The following C9orf85 variants were observed in gnomAD, a reference collection of about 807,000 sequenced individuals.
C9orf85 encodes uncharacterized protein C9orf85.
C9orf85 carries 16 observed loss-of-function variants against 14.9 expected under a neutral mutation model. That is an observed-to-expected ratio of 1.08 (90% confidence interval 0.73 to 1.63). C9orf85 has a LOEUF of 1.63. Among genes scored for constraint, C9orf85 ranks in the 40% most tolerant of loss-of-function variants. The pLI is 0.00. For synonymous variants in C9orf85, 45 were observed against 56.8 expected, an observed-to-expected ratio of 0.79 and a Z score of 0.93; for missense variants, 172 against 186.1, an observed-to-expected ratio of 0.92 and a Z score of 0.44.
intron 1 of C9orf85, among the ~76,000 whole-genome samples, chr9:71,936,481 A>C (rs1343044847): frequency 6.6e-6 from 1 of 150,934 alleles, no homozygotes. Context: ...GGAAAGACAT[A>C]TTATTTCTAG....
At chr9:71,921,922 TTTTTTTTTATTATTA>T (rs910565251) in intron 1 of C9orf85, among the ~76,000 whole-genome samples, 16 of 1,722 alleles carry the variant, frequency 9.3e-3, no homozygotes, top group Admixed American at 0.048. Context: ...GGCTTTTTAT[TTTTTTTTTATTATTA>T]TTATTATTAT....
At chr9:71,942,933 A>G (rs1215960706) in intron 1 of C9orf85, among the ~76,000 whole-genome samples, 1 of 151,934 alleles carries the variant, frequency 6.6e-6, no homozygotes, top group Non-Finnish European at 1.5e-5. Context: ...GCAGCAGCCT[A>G]AAAGTCAGAT....
chr9:71,920,581 T>G (rs574126455), intron 1 of C9orf85, among the ~76,000 whole-genome samples: 2 of 152,260 alleles, frequency 1.3e-5, no homozygotes, highest in Admixed American at 1.3e-4. Flanking sequence ...CATTTGTTAT[T>G]TTAAGCCTCA....
downstream of C9orf85, chr9:71,983,287 C>T (rs1031276309): frequency 1.3e-5 from 2 of 152,288 alleles, no homozygotes; most frequent in Admixed American, 6.5e-5. Context: ...AGCCACTGCA[C>T]CCAGCCGACT....
At chr9:71,927,852 G>A (rs1372443370) in intron 1 of C9orf85, among the ~76,000 whole-genome samples, 1 of 152,112 alleles carries the variant, frequency 6.6e-6, no homozygotes, top group Non-Finnish European at 1.5e-5. Context: ...GTAAAAAACA[G>A]TTAACTGGAT....
At chr9:71,936,797 G>C (rs535421569) in intron 1 of C9orf85, among the ~76,000 whole-genome samples, 63 of 147,720 alleles carry the variant, frequency 4.3e-4, no homozygotes, top group African/African-American at 1.6e-3. Flanking sequence ...TTTGAGACAG[G>C]GTCTCACTCT....
Position 71,937,926 on chromosome 9 carries a change from G to A in C9orf85, c.103-9080G>A, listed in dbSNP as rs188455923. 9.9e-4 allele frequency among the ~76,000 whole-genome samples: 150 copies of A among 152,082 alleles called. 1 individual carries two copies. Among genetic ancestry groups the A allele is most frequent in the African/African-American group, 3.5e-3 (144 of 41,518 alleles). ...CTCTAATTAGCTATGTGGAACAAACGTAATTTCCTAAAAAGAAGTAAGCTA... is the reference window on the plus strand; with the variant it reads ...CTCTAATTAGCTATGTGGAACAAACATAATTTCCTAAAAAGAAGTAAGCTA... On this transcript the variant is annotated intron_variant, in intron 1 of 3. Coordinates refer to ENST00000334731, the MANE Select transcript of C9orf85 (RefSeq NM_182505.5).
chr9:71,954,894 C>G (rs535121199), intron 2 of C9orf85, among the ~76,000 whole-genome samples: 30 of 152,292 alleles, frequency 2.0e-4, no homozygotes, highest in Non-Finnish European at 3.8e-4. Flanking sequence ...GACAGTTATG[C>G]CACCATAAGG....
chr9:71,942,193 A>G (rs1234499449), intron 1 of C9orf85, among the ~76,000 whole-genome samples: 1 of 152,216 alleles, frequency 6.6e-6, no homozygotes, highest in Non-Finnish European at 1.5e-5. Context: ...GCATTGTAAC[A>G]CTGGCCTACA....
chr9:71,968,464 A>C (rs1285718680), intron 2 of C9orf85, among the ~76,000 whole-genome samples: 2 of 151,536 alleles, frequency 1.3e-5, no homozygotes, highest in African/African-American at 2.4e-5. Context: ...AGTTATGATT[A>C]AATTTTTCTT....
chr9:71,918,344 A>G, intron 1 of C9orf85: 1 of 780,348 alleles, frequency 1.3e-6, no homozygotes, highest in African/African-American at 1.8e-5. Context: ...ACAAGTTAAC[A>G]TTCTAACAGA....
intron 1 of C9orf85, among the ~76,000 whole-genome samples, chr9:71,934,079 C>T (rs1410365851): frequency 6.6e-6 from 1 of 152,188 alleles, no homozygotes; most frequent in African/African-American, 2.4e-5. Context: ...CATGGTGGCT[C>T]ATGCCTGTAA....
chr9:71,940,926 C>T (rs1821912225), intron 1 of C9orf85, among the ~76,000 whole-genome samples: 2 of 152,144 alleles, frequency 1.3e-5, no homozygotes, highest in South Asian at 4.1e-4. Context: ...ATTTCATTTA[C>T]ACAACATGCT....
intron 1 of C9orf85, chr9:71,918,483 C>A: frequency 7.7e-7 from 1 of 1,296,770 alleles, no homozygotes; most frequent in South Asian, 1.2e-5. Flanking sequence ...GAGCAGGGGT[C>A]CCCAGCCCCC....
At chr9:71,983,962 T>A (rs1823155810), downstream of C9orf85, 1 of 152,194 alleles carries the variant, frequency 6.6e-6, no homozygotes, top group South Asian at 2.1e-4. Flanking sequence ...AGGAGGTGAT[T>A]CAATCAGGGA....
chr9:71,912,659 CG>C (rs1267024321), intron 1 of C9orf85, among the ~76,000 whole-genome samples: 4 of 151,290 alleles, frequency 2.6e-5, no homozygotes, highest in African/African-American at 9.7e-5. Context: ...AGGTGGTGGG[CG>C]GATCACCTGA....
chr9:71,914,879 T>C (rs1018220308), intron 1 of C9orf85, among the ~76,000 whole-genome samples: 2 of 152,178 alleles, frequency 1.3e-5, no homozygotes, highest in Admixed American at 6.5e-5. Flanking sequence ...AAATGACTTA[T>C]GGGGATTCAG....
intron 1 of C9orf85, among the ~76,000 whole-genome samples, chr9:71,927,150 A>T (rs1377266537): frequency 6.6e-6 from 1 of 151,898 alleles, no homozygotes; most frequent in Non-Finnish European, 1.5e-5. Flanking sequence ...CATAAAAAGT[A>T]GGGTAAGGTC....
chr9:71,929,850 T>A, intron 1 of C9orf85, among the ~76,000 whole-genome samples: 2 of 78,034 alleles, frequency 2.6e-5, no homozygotes, highest in South Asian at 6.4e-4. Flanking sequence ...TGTAACTTAA[T>A]AGCATGCCTT....
Sources: allele counts gnomAD v4.1 joint callset (sites outside exome capture counted in the v4.1 genomes callset), GRCh38; gene constraint gnomAD v4.1.1; transcripts MANE v1.5; gene names NCBI Gene and HGNC (gene_info 2026-07-23, HGNC 2026-07-21).